The following PLXDC2 variants were observed in gnomAD, a reference collection of about 807,000 sequenced individuals.
PLXDC2 encodes the protein plexin domain-containing protein 2.
Under a neutral mutation model 68.9 loss-of-function variants are expected in PLXDC2, and 40 were observed. The ratio of observed to expected loss-of-function variants is 0.58; its 90% CI spans 0.45 to 0.76. The LOEUF (loss-of-function observed/expected upper bound fraction) is 0.76, where lower values mean the gene tolerates loss of function less well. PLXDC2 is among the 30% of genes least tolerant of loss of function. The pLI is 0.00. For synonymous variants in PLXDC2, 243 were observed against 234.2 expected, an observed-to-expected ratio of 1.04 and a Z score of -0.34; for missense variants, 644 against 661.9, an observed-to-expected ratio of 0.97 and a Z score of 0.30.
intron 10 of PLXDC2, among the ~76,000 whole-genome samples, chr10:20,215,743 G>A (rs1003821554): frequency 6.6e-6 from 1 of 151,978 alleles, no homozygotes; most frequent in Non-Finnish European, 1.5e-5. Context: ...GGAAAGAATA[G>A]GTCAGCCCAG....
intron 12 of PLXDC2, among the ~76,000 whole-genome samples, chr10:20,245,055 A>T (rs766779454): frequency 6.6e-6 from 1 of 152,228 alleles, no homozygotes; most frequent in Non-Finnish European, 1.5e-5. Context: ...CAGAGGTTGC[A>T]GTGAGCCAAG....
chr10:19,820,058 C>A (rs1836434847), intron 1 of PLXDC2, among the ~76,000 whole-genome samples: 1 of 152,132 alleles, frequency 6.6e-6, no homozygotes, highest in Non-Finnish European at 1.5e-5. Context: ...AGAACAGATA[C>A]AAGTTTTGGA....
At position 20,046,738 on chromosome 10, in the gene PLXDC2, T is replaced by C; in HGVS notation, c.325-131T>C. Reference sequence around the variant, plus strand: ...TACTTATTTAATCCAAATTCACTTCTCCTAGAGTATAGTTAAATCATTTTG... The same window carrying C: ...TACTTATTTAATCCAAATTCACTTCCCCTAGAGTATAGTTAAATCATTTTG... On this transcript the variant is annotated intron_variant, in intron 2 of 13. Transcript: ENST00000377252. 2 of 869,066 alleles carry C rather than the reference T, an allele frequency of 2.3e-6. 1 individual carries two copies. The highest frequency in any genetic ancestry group is 4.6e-5 in the South Asian group (2 of 43,206). 53.8% of individuals were successfully genotyped at this position (869,066 alleles called of 1,614,324 possible).
chr10:19,901,480 G>T (rs1183914397), intron 1 of PLXDC2, among the ~76,000 whole-genome samples: 2 of 152,056 alleles, frequency 1.3e-5, no homozygotes, highest in Non-Finnish European at 2.9e-5. Flanking sequence ...ATCTTCTTTT[G>T]AGAATTGTCT....
intron 9 of PLXDC2, among the ~76,000 whole-genome samples, chr10:20,179,760 A>T (rs2131828520): frequency 6.6e-6 from 1 of 152,216 alleles, no homozygotes; most frequent in African/African-American, 2.4e-5. Flanking sequence ...TTATTGAGAG[A>T]TGTCTCTGCC....
At chr10:19,950,651 T>C (rs969896490) in intron 1 of PLXDC2, among the ~76,000 whole-genome samples, 8 of 152,146 alleles carry the variant, frequency 5.3e-5, no homozygotes, top group African/African-American at 1.9e-4. Context: ...AACAAAACTA[T>C]GCAAAAATTC....
intron 4 of PLXDC2, among the ~76,000 whole-genome samples, chr10:20,069,553 G>C (rs1836280612): frequency 6.6e-6 from 1 of 152,174 alleles, no homozygotes; most frequent in South Asian, 2.1e-4. Context: ...TACTCAGGAG[G>C]CTGAGGCAGG....
intron 1 of PLXDC2, among the ~76,000 whole-genome samples, chr10:19,991,347 C>CTTTTT (rs35216913): frequency 7.4e-6 from 1 of 135,432 alleles, no homozygotes; most frequent in African/African-American, 2.7e-5. Flanking sequence ...ATCATTTTCC[C>CTTTTT]TTTTTTTTTT....
intron 3 of PLXDC2, among the ~76,000 whole-genome samples, chr10:20,051,965 C>G (rs555862786): frequency 6.6e-6 from 1 of 152,062 alleles, no homozygotes; most frequent in South Asian, 2.1e-4. Flanking sequence ...TCCAGTAAAA[C>G]TTTATTTATG....
intron 1 of PLXDC2, among the ~76,000 whole-genome samples, chr10:19,900,539 A>G (rs1484201179): frequency 1.3e-5 from 2 of 152,166 alleles, no homozygotes; most frequent in Non-Finnish European, 2.9e-5. Flanking sequence ...AGTTTTTATC[A>G]ACATCCACAT....
At chr10:19,825,114 G>A (rs755248314) in intron 1 of PLXDC2, among the ~76,000 whole-genome samples, 2 of 152,164 alleles carry the variant, frequency 1.3e-5, no homozygotes, top group Non-Finnish European at 2.9e-5. Flanking sequence ...TTAGTGGTCT[G>A]TGAATTTTGT....
At chr10:20,201,948 C>T (rs1483702364) in intron 9 of PLXDC2, among the ~76,000 whole-genome samples, 1 of 152,082 alleles carries the variant, frequency 6.6e-6, no homozygotes, top group Non-Finnish European at 1.5e-5. Flanking sequence ...CTGGGATACA[C>T]CTACTTTAGT....
At chr10:20,103,581 G>A (rs1358048876) in intron 4 of PLXDC2, among the ~76,000 whole-genome samples, 5 of 88,732 alleles carry the variant, frequency 5.6e-5, no homozygotes, top group Admixed American at 1.1e-4. Flanking sequence ...GGTTAAAGGC[G>A]GTTTGTGTGT....
intron 4 of PLXDC2, among the ~76,000 whole-genome samples, chr10:20,132,165 T>C (rs372566480): frequency 6.6e-6 from 1 of 152,226 alleles, no homozygotes; most frequent in East Asian, 1.9e-4. Context: ...CCAATTTTCC[T>C]CCTCTTATTG....
At chr10:20,245,077 G>A (rs997427352) in intron 12 of PLXDC2, among the ~76,000 whole-genome samples, 15 of 152,140 alleles carry the variant, frequency 9.9e-5, no homozygotes, top group Admixed American at 9.2e-4. Flanking sequence ...TCATGCCTTT[G>A]CACTCTAGCC....
Position 19,891,301 on chromosome 10 carries a change from G to T in PLXDC2, c.112+74110G>T, listed in dbSNP as rs375479493. Among the ~76,000 whole-genome samples the T allele has an allele frequency of 5.3e-5, 8 of 152,256 alleles. No homozygotes were observed. In the East Asian group the frequency reaches 1.5e-3, roughly 29 times the overall value. ...TCACTCCATGTGGGTAAAAGCACAC[G>T]ATTTCTTGGCTTTCCATTTTTCTGT... On this transcript the variant is annotated intron_variant, in intron 1 of 13. Transcript: ENST00000377252.
chr10:20,085,407 C>T (rs926311439), intron 4 of PLXDC2, among the ~76,000 whole-genome samples: 2 of 151,840 alleles, frequency 1.3e-5, no homozygotes, highest in Non-Finnish European at 1.5e-5. Flanking sequence ...AATTTCCGTG[C>T]GGGAGGTGCT....
At position 19,980,076 on chromosome 10, in the gene PLXDC2, G is replaced by A. The variant is rs143036792; in HGVS notation, c.113-21699G>A. On this transcript the variant is annotated intron_variant, in intron 1 of 13. Coordinates refer to ENST00000377252, the MANE Select transcript of PLXDC2 (RefSeq NM_032812.9). Reference sequence around the variant, plus strand: ...TGATTTTCATAGAGCCTCTGACTTCGTGTTTCAATTATATTTTACTAAACT... The same window carrying A: ...TGATTTTCATAGAGCCTCTGACTTCATGTTTCAATTATATTTTACTAAACT... Among the ~76,000 whole-genome samples the A allele has an allele frequency of 1.7e-3, 259 of 152,274 alleles. 3 individuals are homozygous for A. The South Asian group carries it at 0.023, about 14-fold the overall frequency.
In PLXDC2 at chr10:19,962,312, T is replaced by C. The variant is rs1000316410; in HGVS notation, c.113-39463T>C. Among the ~76,000 whole-genome samples the C allele has an allele frequency of 9.0e-5, 12 of 133,622 alleles. No homozygotes were observed. In the Admixed American group the frequency reaches 9.8e-4, roughly 11 times the overall value. 87.7% of individuals were successfully genotyped at this position (133,622 alleles called of 152,430 possible). A position where few individuals can be genotyped will look rare whatever the true frequency, so the allele number is the denominator to read the frequency against. ...ATTCTATCTTACAACAGTAATATGA[T>C]AAAATGTGATGAAAAGGAGGTTCTT... On this transcript the variant is annotated intron_variant, in intron 1 of 13. Coordinates refer to ENST00000377252, the MANE Select transcript of PLXDC2 (RefSeq NM_032812.9).
Sources: gnomAD v4.1 joint callset for allele counts (sites outside exome capture counted in the v4.1 genomes callset) on GRCh38, gnomAD v4.1.1 for gene constraint, MANE v1.5 for transcripts, NCBI Gene and HGNC (gene_info 2026-07-23, HGNC 2026-07-21) for gene names.